Variants in STOX2 observed in about 807,000 individuals in gnomAD.
STOX2 encodes the protein storkhead-box protein 2.
STOX2 carries 28 observed loss-of-function variants against 60.9 expected under a neutral mutation model. That is an observed-to-expected ratio of 0.46 (90% CI 0.34 to 0.63). The LOEUF is 0.63. STOX2 is among the 30% of genes least tolerant of loss of function. The probability of loss-of-function intolerance (pLI) is 0.01; values close to 1 mark genes in which losing one functional copy is unlikely to be tolerated. For synonymous variants in STOX2, 472 were observed against 463.9 expected (o/e 1.02, Z -0.22); for missense variants, 1,024 against 1,187.7 (o/e 0.86, Z 2.03).
At chr4:183,869,030 G>A (rs1013491052) in intron 1 of STOX2, among the ~76,000 whole-genome samples, 1 of 152,176 alleles carries the variant, frequency 6.6e-6, no homozygotes, top group Non-Finnish European at 1.5e-5. Flanking sequence ...TGAGAATGAA[G>A]CTCTGGGAGA....
intron 1 of STOX2, among the ~76,000 whole-genome samples, chr4:183,977,978 C>T (rs1403479601): frequency 6.6e-6 from 1 of 152,046 alleles, no homozygotes; most frequent in Non-Finnish European, 1.5e-5. Flanking sequence ...ATTTGAGTTC[C>T]TTGTAGATTC....
At chr4:183,822,345 T>TG (rs1739321089) in intron 1 of STOX2, among the ~76,000 whole-genome samples, 1 of 152,200 alleles carries the variant, frequency 6.6e-6, no homozygotes, top group Non-Finnish European at 1.5e-5. Flanking sequence ...CAGACTGGCA[T>TG]GGGGGATGGT....
Position 183,856,224 on chromosome 4 carries a change from A to G in STOX2, c.364+58169A>G, listed in dbSNP as rs1227391595. On this transcript the variant is annotated intron_variant, in intron 1 of 2. Coordinates refer to the STOX2 transcript ENST00000513034. The surrounding 1 kb of genome is among the most constrained non-coding windows in gnomAD (Gnocchi z 4.0). ...TCAGATAGGACCCAAGAGTCCAGAAAGGCTCACGGCCCCTTTCACACATGT... is the reference window on the plus strand; with the variant it reads ...TCAGATAGGACCCAAGAGTCCAGAAGGGCTCACGGCCCCTTTCACACATGT... Among the ~76,000 whole-genome samples the G allele has an allele frequency of 6.6e-6, 1 of 152,156 alleles. No individual in the cohort carries two copies. Among genetic ancestry groups the G allele is most frequent in the Non-Finnish European group, 1.5e-5 (1 of 68,028 alleles).
intron 1 of STOX2, among the ~76,000 whole-genome samples, chr4:183,829,771 A>G (rs187132606): frequency 6.6e-6 from 1 of 152,240 alleles, no homozygotes; most frequent in East Asian, 1.9e-4. Context: ...CACCTAATGG[A>G]TCCTGATTGT....
chr4:183,890,439 C>T lies in STOX2; in HGVS notation c.364+92384C>T, dbSNP rs1432968707. Among the ~76,000 whole-genome samples the T allele has an allele frequency of 6.4e-5, 9 of 140,580 alleles. 1 individual carries two copies. Among genetic ancestry groups the T allele is most frequent in the African/African-American group, 1.1e-4 (4 of 37,958 alleles). 92.2% of individuals were successfully genotyped at this position (140,580 alleles called of 152,430 possible). A position where few individuals can be genotyped will look rare whatever the true frequency, so the allele number is the denominator to read the frequency against. ...TGGAGGCTGCAGTGAGCCAAGGTTG[C>T]GTCACTGCACTCCAGCCTGGGCAAC... On this transcript the variant is annotated intron_variant, in intron 1 of 2. Transcript: ENST00000513034.
chr4:183,802,901 G>A (rs13131952), intron 1 of STOX2, among the ~76,000 whole-genome samples: 25,587 of 152,128 alleles, frequency 0.17, 2,552 homozygotes, highest in Middle Eastern at 0.29. Flanking sequence ...GGTTACAGGC[G>A]TGAGCCACCG....
At chr4:184,002,099 A>G (rs1733617683) in intron 2 of STOX2, among the ~76,000 whole-genome samples, 1 of 152,112 alleles carries the variant, frequency 6.6e-6, no homozygotes, top group African/African-American at 2.4e-5. Context: ...GTGTATTGTC[A>G]CCCCACCCCC....
At chr4:183,862,312 A>G (rs572418610) in intron 1 of STOX2, among the ~76,000 whole-genome samples, 10 of 152,294 alleles carry the variant, frequency 6.6e-5, no homozygotes, top group Admixed American at 5.2e-4. Flanking sequence ...AGTAGCTGGG[A>G]TTACAGGCAC....
chr4:183,951,140 G>A (rs545065619), intron 1 of STOX2, among the ~76,000 whole-genome samples: 71 of 151,406 alleles, frequency 4.7e-4, no homozygotes, highest in African/African-American at 1.5e-3. Context: ...GGGTGAACCC[G>A]GGAGGTGGAG....
chr4:183,906,601 C>A lies in STOX2; in HGVS notation c.-190C>A. ...GGGACGTGTGTAAAATCGGAGCCTTCGCCGTGGGGGTGTGGGGGGGCGTGG... is the reference window on the plus strand; with the variant it reads ...GGGACGTGTGTAAAATCGGAGCCTTAGCCGTGGGGGTGTGGGGGGGCGTGG... On this transcript the variant is annotated 5_prime_UTR_variant, in exon 1 of 4. It introduces an in-frame stop codon into an upstream open reading frame of the 5' UTR. Coordinates refer to ENST00000308497, the MANE Select transcript of STOX2 (RefSeq NM_020225.3). 1 of 578,724 alleles carries A rather than the reference C, an allele frequency of 1.7e-6. No individual in the cohort carries two copies. Among genetic ancestry groups the A allele is most frequent in the South Asian group, 2.3e-5 (1 of 43,776 alleles). 35.8% of individuals were successfully genotyped at this position (578,724 alleles called of 1,614,324 possible).
At chr4:183,985,602 A>T (rs1732808670) in intron 1 of STOX2, among the ~76,000 whole-genome samples, 1 of 152,190 alleles carries the variant, frequency 6.6e-6, no homozygotes, top group Admixed American at 6.5e-5. Flanking sequence ...GCATGCTTGG[A>T]TATTAGAAAT....
At chr4:183,981,660 T>G (rs1732661965) in intron 1 of STOX2, among the ~76,000 whole-genome samples, 1 of 152,208 alleles carries the variant, frequency 6.6e-6, no homozygotes, top group South Asian at 2.1e-4. Context: ...CATCTTTTCC[T>G]TACGTGTCTT....
At chr4:183,908,764 G>A (rs1741695675) in intron 1 of STOX2, among the ~76,000 whole-genome samples, 1 of 152,106 alleles carries the variant, frequency 6.6e-6, no homozygotes, top group Non-Finnish European at 1.5e-5. Flanking sequence ...ATCTACAAAT[G>A]GTAAGATGGT....
rs1734116276 is a variant in STOX2 at position 184,010,732 on chromosome 4, G to A, written c.1894G>A (p.Gly632Arg). Residue 632 changes from glycine to arginine, a missense_variant, in exon 3 of 4, where the codon GGG becomes AGG. By Grantham distance (125) the Gly-to-Arg change is moderately radical. Around this residue, in one of 3 missense-constraint regions of STOX2, gnomAD observed 922 missense variants for 1,058.3 expected, o/e 0.87. Coordinates refer to ENST00000308497, the MANE Select transcript of STOX2 (RefSeq NM_020225.3). This position sits in a 1 kb window ranked among gnomAD's most constrained non-coding sequence, Gnocchi z 4.5. Reference protein sequence around the residue: ...EDHDTLTLAEGVKKLSPSDRQ... With the variant: ...EDHDTLTLAERVKKLSPSDRQ... ...CCATGACACTCTGACTTTGGCAGAA[G>A]GGGTGAAAAAGCTCTCCCCTTCTGA... The A allele has an allele frequency of 6.3e-7, 1 of 1,596,802 alleles. No homozygotes were observed. Among genetic ancestry groups the A allele is most frequent in the African/African-American group, 1.3e-5 (1 of 74,294 alleles).
rs554192715 is a variant in STOX2, at chr4:183,841,520, T to A, written c.364+43465T>A. ...GAGCCACTGTGCCACGCCGTAGTAT[T>A]ATGAAATCATCAGAACCCTTGGTAG... is the stretch of plus-strand genomic sequence containing the variant. On this transcript the variant is annotated intron_variant, in intron 1 of 2. Coordinates refer to the STOX2 transcript ENST00000513034. Among the ~76,000 whole-genome samples, 51 of 152,326 alleles carry A rather than the reference T, an allele frequency of 3.3e-4. 1 individual carries two copies. Among genetic ancestry groups the A allele is most frequent in the African/African-American group, 1.2e-3 (49 of 41,578 alleles).
At chr4:183,869,932 G>A (rs956538598) in intron 1 of STOX2, among the ~76,000 whole-genome samples, 4 of 152,154 alleles carry the variant, frequency 2.6e-5, no homozygotes, top group South Asian at 4.2e-4. Flanking sequence ...AGGAATGGGC[G>A]GGACCAAGGA....
At chr4:183,949,361 A>T (rs545740754) in intron 1 of STOX2, among the ~76,000 whole-genome samples, 50 of 152,318 alleles carry the variant, frequency 3.3e-4, no homozygotes, top group African/African-American at 1.2e-3. Flanking sequence ...ATTTTAAGAA[A>T]CTGCCCTTAA....
intron 1 of STOX2, among the ~76,000 whole-genome samples, chr4:183,949,090 TTA>T (rs1359994888): frequency 6.6e-6 from 1 of 152,196 alleles, no homozygotes; most frequent in Non-Finnish European, 1.5e-5. Flanking sequence ...TATTTTTTTT[TTA>T]GTCTTCTCAT....
intron 1 of STOX2, among the ~76,000 whole-genome samples, chr4:183,946,042 A>T (rs1742877159): frequency 6.6e-6 from 1 of 152,186 alleles, no homozygotes; most frequent in African/African-American, 2.4e-5. Context: ...ACACAGGGTA[A>T]ATGATTTTGG....
Sources: gnomAD v4.1 joint callset for allele counts (sites outside exome capture counted in the v4.1 genomes callset) on GRCh38, gnomAD v4.1.1 for gene constraint, gnomAD v4.1.1 regional missense constraint, Gnocchi (gnomAD v3.1) non-coding constraint, MANE v1.5 for transcripts, NCBI Gene and HGNC (gene_info 2026-07-23, HGNC 2026-07-21) for gene names.